CNTNAP2: variants seen among roughly 807,000 people sequenced by gnomAD.
CNTNAP2 encodes contactin associated protein 2.
Under a neutral mutation model 155.2 loss-of-function variants are expected in CNTNAP2, and 98 were observed. The observed-to-expected ratio is 0.63, with a 90% CI of 0.54 to 0.75. CNTNAP2 has a LOEUF of 0.75. Among genes scored for constraint, CNTNAP2 ranks in the 30% least tolerant of loss-of-function variants. The pLI is 0.00. For synonymous variants in CNTNAP2, 651 were observed against 631.2 expected (o/e 1.03, Z -0.47); for missense variants, 1,727 against 1,688.1 (o/e 1.02, Z -0.40).
chr7:147,150,981 G>A (rs1046096120), intron 8 of CNTNAP2, among the ~76,000 whole-genome samples: 7 of 152,108 alleles, frequency 4.6e-5, no homozygotes, highest in African/African-American at 1.4e-4. Context: ...AACTAACATC[G>A]GCTAAGGGGC....
At chr7:148,387,252 T>C (rs952343595) in intron 22 of CNTNAP2, among the ~76,000 whole-genome samples, 5 of 152,200 alleles carry the variant, frequency 3.3e-5, no homozygotes, top group Non-Finnish European at 7.3e-5. Context: ...CATCAGCAAT[T>C]GCACTCTGGT....
chr7:147,100,894 T>A (rs1800638992), intron 4 of CNTNAP2, among the ~76,000 whole-genome samples: 1 of 152,170 alleles, frequency 6.6e-6, no homozygotes, highest in Non-Finnish European at 1.5e-5. Context: ...CAAAAGAAGA[T>A]AACTTCAATA....
chr7:146,593,526 C>T (rs1312944744), intron 1 of CNTNAP2, among the ~76,000 whole-genome samples: 1 of 152,088 alleles, frequency 6.6e-6, no homozygotes, highest in Non-Finnish European at 1.5e-5. Flanking sequence ...GCGTCACTCC[C>T]TCCACCACTG....
intron 9 of CNTNAP2, among the ~76,000 whole-genome samples, chr7:147,311,165 G>A (rs1023964375): frequency 2.0e-5 from 3 of 152,144 alleles, no homozygotes; most frequent in African/African-American, 7.2e-5. Flanking sequence ...GTAAACAGAT[G>A]GGCCTAGGAG....
At chr7:146,909,008 G>T (rs1796211871) in intron 3 of CNTNAP2, among the ~76,000 whole-genome samples, 1 of 150,632 alleles carries the variant, frequency 6.6e-6, no homozygotes, top group Admixed American at 6.6e-5. Flanking sequence ...ACTACCATCA[G>T]AGAATACTAC....
chr7:147,720,372 C>T (rs1186485037), intron 13 of CNTNAP2, among the ~76,000 whole-genome samples: 1 of 152,096 alleles, frequency 6.6e-6, no homozygotes, highest in Non-Finnish European at 1.5e-5. Flanking sequence ...CATTTCCTTT[C>T]TTTCTGTTGT....
At chr7:147,387,670 G>T (rs897482629) in intron 9 of CNTNAP2, among the ~76,000 whole-genome samples, 23 of 152,038 alleles carry the variant, frequency 1.5e-4, no homozygotes, top group African/African-American at 5.6e-4. Context: ...GGGGATTGGG[G>T]TATCCATCTC....
At chr7:146,885,717 T>G (rs1795642971) in intron 3 of CNTNAP2, among the ~76,000 whole-genome samples, 1 of 152,160 alleles carries the variant, frequency 6.6e-6, no homozygotes, top group South Asian at 2.1e-4. Context: ...ATAAGAAAAC[T>G]TAAGTGATTC....
chr7:146,704,419 T>C (rs1800928636), intron 1 of CNTNAP2, among the ~76,000 whole-genome samples: 1 of 152,144 alleles, frequency 6.6e-6, no homozygotes, highest in African/African-American at 2.4e-5. Flanking sequence ...GTCTATAGAA[T>C]TTTTGCAGTT....
intron 1 of CNTNAP2, among the ~76,000 whole-genome samples, chr7:146,645,199 C>T (rs977544614): frequency 6.6e-6 from 1 of 152,160 alleles, no homozygotes; most frequent in African/African-American, 2.4e-5. Flanking sequence ...TCTTCTATCT[C>T]ATTTACAATT....
At chr7:146,634,399 A>G (rs1799563770) in intron 1 of CNTNAP2, among the ~76,000 whole-genome samples, 1 of 152,214 alleles carries the variant, frequency 6.6e-6, no homozygotes, top group Non-Finnish European at 1.5e-5. Flanking sequence ...TGGAGGAAAT[A>G]ATGTTTTCTG....
chr7:147,094,619 T>G (rs1800488916), intron 4 of CNTNAP2, among the ~76,000 whole-genome samples: 1 of 151,704 alleles, frequency 6.6e-6, no homozygotes, highest in South Asian at 2.1e-4. Context: ...TGTTAGCCAG[T>G]ATGATCTCTA....
At chr7:147,718,696 G>A (rs190907778) in intron 13 of CNTNAP2, among the ~76,000 whole-genome samples, 15 of 152,152 alleles carry the variant, frequency 9.9e-5, no homozygotes, top group Non-Finnish European at 1.9e-4. Flanking sequence ...AGAATGATGA[G>A]GGTTGCTCAC....
intron 15 of CNTNAP2, among the ~76,000 whole-genome samples, chr7:148,003,497 C>A (rs959900153): frequency 2.6e-5 from 4 of 152,092 alleles, no homozygotes; most frequent in Admixed American, 6.6e-5. Flanking sequence ...CTCTCTGATT[C>A]CGTGAATGAG....
chr7:146,914,509 T>C (rs1365093538), intron 3 of CNTNAP2, among the ~76,000 whole-genome samples: 1 of 152,130 alleles, frequency 6.6e-6, no homozygotes, highest in Non-Finnish European at 1.5e-5. Context: ...ACTAAGAGGG[T>C]ATCACATTGT....
At chr7:147,574,317 A>G (rs1800348197) in intron 12 of CNTNAP2, among the ~76,000 whole-genome samples, 1 of 151,634 alleles carries the variant, frequency 6.6e-6, no homozygotes, top group Admixed American at 6.6e-5. Flanking sequence ...CTTTCCTCAT[A>G]TTCGTGATTA....
chr7:147,420,849 G>C (rs950692046), intron 10 of CNTNAP2, among the ~76,000 whole-genome samples: 1 of 152,058 alleles, frequency 6.6e-6, no homozygotes, highest in African/African-American at 2.4e-5. Context: ...GAGTTTCTAG[G>C]GGAGGACTCT....
intron 3 of CNTNAP2, among the ~76,000 whole-genome samples, chr7:146,922,094 G>T (rs1796512033): frequency 6.6e-6 from 1 of 152,092 alleles, no homozygotes; most frequent in African/African-American, 2.4e-5. Flanking sequence ...AATAATGCCA[G>T]TAGTCTGTTT....
At chr7:147,222,548 T>C (rs1296295698) in intron 8 of CNTNAP2, among the ~76,000 whole-genome samples, 1 of 152,210 alleles carries the variant, frequency 6.6e-6, no homozygotes, top group Admixed American at 6.5e-5. Flanking sequence ...CCGTGTCTGA[T>C]AATCCAATAT....
Sources: allele counts gnomAD v4.1 joint callset (sites outside exome capture counted in the v4.1 genomes callset), GRCh38; gene constraint gnomAD v4.1.1; transcripts MANE v1.5; gene names NCBI Gene and HGNC (gene_info 2026-07-23, HGNC 2026-07-21).